The following CDC42BPB variants were observed in gnomAD, a reference collection of about 807,000 sequenced individuals.
CDC42BPB encodes the protein CDC42 binding protein kinase beta, also known as serine/threonine-protein kinase MRCK beta.
In CDC42BPB, 37 loss-of-function variants were observed where a neutral mutation model predicts 214.9. That is an observed-to-expected ratio of 0.17 (90% CI 0.13 to 0.23). CDC42BPB has a LOEUF of 0.23. CDC42BPB is among the 10% of genes least tolerant of loss of function. CDC42BPB has a pLI of 1.00. For synonymous variants in CDC42BPB, 931 were observed against 884.0 expected (o/e 1.05, Z -0.94); for missense variants, 1,694 against 2,227.0 (o/e 0.76, Z 4.82).
At chr14:102,972,947 C>CA (rs1221760822) in intron 12 of CDC42BPB, among the ~76,000 whole-genome samples, 1 of 152,202 alleles carries the variant, frequency 6.6e-6, no homozygotes, top group East Asian at 1.9e-4. Flanking sequence ...TGTATAAAAA[C>CA]AATCGCTGGA....
chr14:102,983,455 A>G, intron 7 of CDC42BPB, 101 bp downstream of exon 7: 1 of 1,517,898 alleles, frequency 6.6e-7, no homozygotes, highest in South Asian at 1.3e-5. Context: ...TTCCTCAACT[A>G]CTCGCGTTGC....
rs1893971251 is a variant in CDC42BPB, at chr14:102,980,975, G to A, written c.938C>T (p.Ala313Val). 2 of 1,613,978 alleles carry A rather than the reference G, an allele frequency of 1.2e-6. No individual in the cohort carries two copies. Among genetic ancestry groups the A allele is most frequent in the Non-Finnish European group, 8.5e-7 (1 of 1,180,038 alleles). The change falls in exon 8 of 37, where the codon GCG becomes GTG. Residue 313 changes from alanine to valine, a missense_variant. Around this residue, in one of 7 missense-constraint regions of CDC42BPB, gnomAD observed 225 missense variants for 459.3 expected, o/e 0.49. Coordinates refer to ENST00000361246, the MANE Select transcript of CDC42BPB (RefSeq NM_006035.4). ...PSHVTDVSEEAKDLIQRLICS... is the reference protein window; with the variant it reads ...PSHVTDVSEEVKDLIQRLICS... ...GATCAGTCTCTGGATGAGGTCCTTC[G>A]CTTCTTCAGATACATCCGTGACATG... is the stretch of plus-strand genomic sequence containing the variant.
At chr14:103,002,299 G>A (rs1449901394) in intron 4 of CDC42BPB, among the ~76,000 whole-genome samples, 4 of 152,120 alleles carry the variant, frequency 2.6e-5, no homozygotes, top group East Asian at 3.8e-4. Flanking sequence ...CCTCGCCTTC[G>A]TTTTCTCATC....
chr14:103,030,569 G>A (rs775390968), intron 1 of CDC42BPB, among the ~76,000 whole-genome samples: 4 of 152,038 alleles, frequency 2.6e-5, no homozygotes, highest in Non-Finnish European at 4.4e-5. Context: ...GGTGGTGCAC[G>A]CCTGTAGTCC....
chr14:102,969,048 T>C (rs930080548), intron 14 of CDC42BPB, among the ~76,000 whole-genome samples: 2 of 152,256 alleles, frequency 1.3e-5, no homozygotes, highest in East Asian at 3.8e-4. Flanking sequence ...CTGAGGTCTC[T>C]GCTCTCTTGG....
At chr14:103,041,068 TAAG>T (rs1887959429) in intron 1 of CDC42BPB, among the ~76,000 whole-genome samples, 1 of 152,200 alleles carries the variant, frequency 6.6e-6, no homozygotes, top group Non-Finnish European at 1.5e-5. Flanking sequence ...GGTACTGGCA[TAAG>T]AAGAGACACA....
Position 102,944,640 on chromosome 14 carries a change from T to G in CDC42BPB, c.3812-153A>C, listed in dbSNP as rs1892066704. ...CAGCCTGAGCCCGGCCCTGAGCCCG[T>G]CTCTGCCCACAGAGCCAGTGGCTTG... On this transcript the variant is annotated intron_variant, in intron 29 of 36. Transcript: ENST00000361246. The surrounding 1 kb of genome is among the most constrained non-coding windows in gnomAD (Gnocchi z 6.6). 2.0e-6 allele frequency: 2 copies of G among 985,142 alleles called. No homozygotes were observed. Among genetic ancestry groups the G allele is most frequent in the African/African-American group, 1.8e-5 (1 of 57,132 alleles). The allele number at this position is 985,142 out of a possible 1,614,324, so 61.0% of individuals were successfully genotyped here. A position where few individuals can be genotyped will look rare whatever the true frequency, so the allele number is the denominator to read the frequency against.
At chr14:102,936,964 G>C (rs993051909) in intron 36 of CDC42BPB, 2 of 152,198 alleles carry the variant, frequency 1.3e-5, no homozygotes, top group Non-Finnish European at 2.9e-5. Flanking sequence ...CTTGAGCCCA[G>C]GAGTTGGGAG....
At chr14:102,992,056 G>A (rs1894517209) in intron 5 of CDC42BPB, among the ~76,000 whole-genome samples, 1 of 152,190 alleles carries the variant, frequency 6.6e-6, no homozygotes, top group African/African-American at 2.4e-5. Context: ...ATTGAGCAGT[G>A]CACATCTAGA....
At chr14:103,033,367 G>A (rs536158956) in intron 1 of CDC42BPB, among the ~76,000 whole-genome samples, 176 of 152,028 alleles carry the variant, frequency 1.2e-3, no homozygotes, top group African/African-American at 1.7e-3. Flanking sequence ...GACTACAGGC[G>A]CCCACCACCA....
intron 6 of CDC42BPB, chr14:102,986,186 G>A (rs1012759009): frequency 4.6e-5 from 14 of 301,248 alleles, no homozygotes; most frequent in Admixed American, 3.4e-4. Flanking sequence ...GAGCGCCCTC[G>A]ATCTGCTACA....
At chr14:103,025,633 C>G (rs1187072996) in intron 1 of CDC42BPB, among the ~76,000 whole-genome samples, 1 of 151,644 alleles carries the variant, frequency 6.6e-6, no homozygotes, top group Non-Finnish European at 1.5e-5. Flanking sequence ...GCCTGGCCAA[C>G]ATGGTGTAAC....
chr14:103,000,804 T>C (rs1446164314), intron 4 of CDC42BPB, among the ~76,000 whole-genome samples: 2 of 152,170 alleles, frequency 1.3e-5, no homozygotes, highest in Non-Finnish European at 2.9e-5. Context: ...AGTGCTGTCC[T>C]GTTCACGCTC....
intron 19 of CDC42BPB, among the ~76,000 whole-genome samples, 196 bp downstream of exon 19, chr14:102,964,306 C>T (rs762190967): frequency 1.3e-5 from 2 of 152,248 alleles, no homozygotes; most frequent in Non-Finnish European, 1.5e-5. Flanking sequence ...TGCACCCTCG[C>T]GGCCACCTCA....
chr14:103,031,133 C>T (rs910041398), intron 1 of CDC42BPB, among the ~76,000 whole-genome samples: 2 of 151,550 alleles, frequency 1.3e-5, no homozygotes, highest in East Asian at 1.9e-4. Context: ...ATTATAAAAA[C>T]GCCGGCATGA....
chr14:103,040,872 T>A (rs180833820), intron 1 of CDC42BPB, among the ~76,000 whole-genome samples: 247 of 152,332 alleles, frequency 1.6e-3, no homozygotes, highest in Middle Eastern at 6.8e-3. Context: ...ACAGATTCAA[T>A]GAAATCCTTG....
At chr14:102,989,847 G>A (rs1378703913) in intron 5 of CDC42BPB, among the ~76,000 whole-genome samples, 3 of 144,742 alleles carry the variant, frequency 2.1e-5, no homozygotes, top group Non-Finnish European at 3.0e-5. Flanking sequence ...CAACAAAAGC[G>A]AAACTCTGTT....
chr14:102,937,665 G>A (rs1000936237), intron 36 of CDC42BPB, among the ~76,000 whole-genome samples: 2 of 152,254 alleles, frequency 1.3e-5, no homozygotes, highest in Admixed American at 1.3e-4. Flanking sequence ...GCACAACAGT[G>A]GCGCTTGTCC....
At position 103,020,863 on chromosome 14, in the gene CDC42BPB, TCAAATTA is replaced by T. The variant is rs1256251070; in HGVS notation, c.176-8682_176-8676del. On this transcript the variant is annotated intron_variant, in intron 1 of 36. Coordinates refer to ENST00000361246, the MANE Select transcript of CDC42BPB (RefSeq NM_006035.4). ...ATCACAAAGTTTTAGAAAAATGTGTTCAAATTACACAAAATGTGTTTTCTTTGTTTCA... is the reference window on the plus strand; with the variant it reads ...ATCACAAAGTTTTAGAAAAATGTGTTCACAAAATGTGTTTTCTTTGTTTCA... Among the ~76,000 whole-genome samples the T allele has an allele frequency of 2.0e-5, 3 of 152,226 alleles. No homozygotes were observed. In the East Asian group the frequency reaches 5.8e-4, roughly 29 times the overall value.
Sources: allele counts gnomAD v4.1 joint callset (sites outside exome capture counted in the v4.1 genomes callset), GRCh38; gene constraint gnomAD v4.1.1; regional missense constraint gnomAD v4.1.1; non-coding constraint Gnocchi (gnomAD v3.1); transcripts MANE v1.5; gene names NCBI Gene and HGNC (gene_info 2026-07-23, HGNC 2026-07-21).